PHC2: variants seen among roughly 807,000 people sequenced by gnomAD.
The protein encoded by PHC2 is polyhomeotic-like protein 2.
PHC2 carries 29 observed loss-of-function variants against 87.4 expected under a neutral mutation model. That is an observed-to-expected ratio of 0.33 (90% CI 0.25 to 0.45). The LOEUF (loss-of-function observed/expected upper bound fraction) is 0.45, where lower values mean the gene tolerates loss of function less well. Among genes scored for constraint, PHC2 ranks in the 20% least tolerant of loss-of-function variants. The pLI is 1.00. For synonymous variants in PHC2, 438 were observed against 461.7 expected (o/e 0.95, Z 0.66); for missense variants, 857 against 1,136.7 (o/e 0.75, Z 3.54).
intron 1 of PHC2, among the ~76,000 whole-genome samples, chr1:33,405,868 T>C (rs2148384831): frequency 6.6e-6 from 1 of 152,356 alleles, no homozygotes; most frequent in South Asian, 2.1e-4. Context: ...ATGTGTGGTT[T>C]TAATTCTATG....
chr1:33,416,130 A>T (rs1258415462), intron 1 of PHC2, among the ~76,000 whole-genome samples: 1 of 152,218 alleles, frequency 6.6e-6, no homozygotes, highest in Non-Finnish European at 1.5e-5. Context: ...AAAGTTTTCC[A>T]AATTTGATGA....
At chr1:33,336,566 A>G (rs1339439763) in intron 9 of PHC2, 1 of 152,242 alleles carries the variant, frequency 6.6e-6, no homozygotes, top group Non-Finnish European at 1.5e-5. Flanking sequence ...GCTTTTCTGT[A>G]GAGATGGAAA....
chr1:33,425,128 T>C (rs1304145357), intron 1 of PHC2, among the ~76,000 whole-genome samples: 1 of 152,228 alleles, frequency 6.6e-6, no homozygotes, highest in Non-Finnish European at 1.5e-5. Flanking sequence ...TTGAACCAAG[T>C]ATCTTTGGAC....
intron 7 of PHC2, among the ~76,000 whole-genome samples, chr1:33,359,953 T>C (rs924141493): frequency 6.6e-6 from 1 of 152,212 alleles, no homozygotes; most frequent in African/African-American, 2.4e-5. Flanking sequence ...TTCTAGGGGC[T>C]GCTTATCCCT....
chr1:33,414,320 A>T (rs184716658), intron 1 of PHC2, among the ~76,000 whole-genome samples: 221 of 152,298 alleles, frequency 1.5e-3, no homozygotes, highest in African/African-American at 5.1e-3. Context: ...GCCAGCAAGG[A>T]CAGGGAGCAA....
At chr1:33,415,759 C>T (rs1650176376) in intron 1 of PHC2, among the ~76,000 whole-genome samples, 1 of 152,162 alleles carries the variant, frequency 6.6e-6, no homozygotes, top group African/African-American at 2.4e-5. Context: ...ATATGTTCCA[C>T]ATGTTCAAGA....
intron 1 of PHC2, among the ~76,000 whole-genome samples, chr1:33,414,967 T>C (rs1650143745): frequency 6.6e-6 from 1 of 152,140 alleles, no homozygotes; most frequent in South Asian, 2.1e-4. Context: ...GGACTAAATA[T>C]AGAAAGAAAT....
chr1:33,339,513 C>T (rs954019152), intron 9 of PHC2, among the ~76,000 whole-genome samples: 3 of 152,104 alleles, frequency 2.0e-5, no homozygotes, highest in Non-Finnish European at 4.4e-5. Context: ...ACAGGTGGAC[C>T]TCTGAATTCC....
chr1:33,355,050 G>A lies in PHC2; in HGVS notation c.1180C>T (p.His394Tyr), dbSNP rs1408825235. Residue 394 changes from histidine (H) to tyrosine (Y), a missense_variant, in exon 8 of 15, where the codon CAT becomes TAT. Around this residue, in one of 3 missense-constraint regions of PHC2, gnomAD observed 832 missense variants for 1,081.8 expected, o/e 0.77. Coordinates refer to ENST00000683057, the MANE Select transcript of PHC2 (RefSeq NM_001385109.1). Reference sequence around the variant, plus strand: ...GTAACCGGGCCTAGTGGCATGGCATGGGCCTCTGAGCTGGGCTGGAGGGCC... The same window carrying A: ...GTAACCGGGCCTAGTGGCATGGCATAGGCCTCTGAGCTGGGCTGGAGGGCC... ...SVALQPSSEA[H>Y]AMPLGPVTPA... is the part of the protein sequence containing the mutation. The A allele has an allele frequency of 6.2e-7, 1 of 1,613,594 alleles. No homozygotes were observed. Among genetic ancestry groups the A allele is most frequent in the Admixed American group, 1.7e-5 (1 of 59,978 alleles).
intron 1 of PHC2, among the ~76,000 whole-genome samples, chr1:33,401,355 C>A (rs1557845260): frequency 6.6e-6 from 1 of 152,042 alleles, no homozygotes; most frequent in African/African-American, 2.4e-5. Flanking sequence ...TAAGTTAATT[C>A]TAAAATATAT....
chr1:33,406,190 T>G (rs1035193606), intron 1 of PHC2, among the ~76,000 whole-genome samples: 1 of 152,210 alleles, frequency 6.6e-6, no homozygotes, highest in Non-Finnish European at 1.5e-5. Flanking sequence ...GAATAAAAAT[T>G]TAATATTCTT....
chr1:33,358,730 T>C (rs1647139832), intron 7 of PHC2: 1 of 152,236 alleles, frequency 6.6e-6, no homozygotes, highest in Non-Finnish European at 1.5e-5. Flanking sequence ...ACCAACCTTT[T>C]AATTTTTATT....
rs1276711463 is a variant in PHC2, at chr1:33,372,465, G to C, written c.175-18C>G. On this transcript the variant is annotated intron_variant, in intron 2 of 14. Coordinates refer to ENST00000683057, the MANE Select transcript of PHC2 (RefSeq NM_001385109.1). ...TGGATCACCTGAGAAGGGAGGGAGG[G>C]GGAAGAGCCAGGCTGGTAGCTGCCA... is the stretch of plus-strand genomic sequence containing the variant. 13 of 1,523,242 alleles carry C rather than the reference G, an allele frequency of 8.5e-6. No homozygotes were observed. The highest frequency in any genetic ancestry group is 1.2e-5 in the Non-Finnish European group (13 of 1,129,474). The allele number at this position is 1,523,242 out of a possible 1,614,324, so 94.4% of individuals were successfully genotyped here. A position where few individuals can be genotyped will look rare whatever the true frequency, so the allele number is the denominator to read the frequency against.
intron 14 of PHC2, 80 bp from the exon 15 acceptor site, chr1:33,325,099 G>T: frequency 7.6e-7 from 1 of 1,316,136 alleles, no homozygotes; most frequent in Non-Finnish European, 1.0e-6. Context: ...TAGTTATCTA[G>T]ATCTAGTTAT....
intron 1 of PHC2, among the ~76,000 whole-genome samples, chr1:33,393,233 G>C (rs1418205483): frequency 6.6e-6 from 1 of 152,122 alleles, no homozygotes; most frequent in Admixed American, 6.5e-5. Context: ...GGAAGGCAAA[G>C]AATGCATGCT....
At chr1:33,345,545 T>C (rs148582283) in intron 9 of PHC2, 58 of 985,220 alleles carry the variant, frequency 5.9e-5, no homozygotes, top group Non-Finnish European at 6.9e-5. Context: ...CTGGTCTACA[T>C]GGTCTTACAA....
In PHC2 at chr1:33,331,967, G is replaced by T. The variant is rs80106889; in HGVS notation, c.1891+308C>A. Among the ~76,000 whole-genome samples, 1 of 152,338 alleles carries T rather than the reference G, an allele frequency of 6.6e-6. No homozygotes were observed. The highest frequency in any genetic ancestry group is 2.4e-5 in the African/African-American group (1 of 41,558). On this transcript the variant is annotated intron_variant, in intron 11 of 14. Transcript: ENST00000683057. The surrounding 1 kb of genome is among the most constrained non-coding windows in gnomAD (Gnocchi z 5.2). ...CTGGCCCCAGTCTCAAGGCAGGGAC[G>T]AAGGGCAGGACTTGCCTGGGGCCAC...
chr1:33,410,622 G>A (rs1649944814), intron 1 of PHC2, among the ~76,000 whole-genome samples: 1 of 152,244 alleles, frequency 6.6e-6, no homozygotes, highest in South Asian at 2.1e-4. Context: ...TGTACAAAGG[G>A]TTTGTTGAGG....
intron 9 of PHC2, among the ~76,000 whole-genome samples, chr1:33,335,846 G>A (rs1051731633): frequency 2.0e-5 from 3 of 151,198 alleles, no homozygotes; most frequent in African/African-American, 7.3e-5. Context: ...GCTGCAGTGA[G>A]CTGAGATCTC....
Sources: gnomAD v4.1 joint callset for allele counts (sites outside exome capture counted in the v4.1 genomes callset) on GRCh38, gnomAD v4.1.1 for gene constraint, gnomAD v4.1.1 regional missense constraint, Gnocchi (gnomAD v3.1) non-coding constraint, MANE v1.5 for transcripts, NCBI Gene and HGNC (gene_info 2026-07-23, HGNC 2026-07-21) for gene names.